The following LRRC49 variants were observed in gnomAD, a reference collection of about 807,000 sequenced individuals.
LRRC49 encodes leucine rich repeat containing 49.
Under a neutral mutation model 83.3 loss-of-function variants are expected in LRRC49, and 50 were observed. The observed-to-expected ratio is 0.60, with a 90% confidence interval of 0.48 to 0.76. LRRC49 has a LOEUF of 0.76. LRRC49 is among the 30% of genes least tolerant of loss of function. LRRC49 has a pLI of 0.00. For missense variants in LRRC49, 704 were observed against 809.1 expected (o/e 0.87, Z 1.58); for synonymous variants, 286 against 283.3 (o/e 1.01, Z -0.10).
At position 71,049,721 on chromosome 15, in the gene LRRC49, G is replaced by GACTAGTATAA; in HGVS notation, c.*111_*120dup. The GACTAGTATAA allele has an allele frequency of 1.4e-6, 1 of 694,690 alleles. No homozygotes were observed. The highest frequency in any genetic ancestry group is 2.7e-5 in the East Asian group (1 of 37,450). The allele number at this position is 694,690 out of a possible 1,614,324, so 43.0% of individuals were successfully genotyped here. A position where few individuals can be genotyped will look rare whatever the true frequency, so the allele number is the denominator to read the frequency against. Reference sequence around the variant, plus strand: ...ACAACACTATCCTATAAACTAGAAAGACTAGTATAAAAGCATTATTGCCCA... The same window carrying GACTAGTATAA: ...ACAACACTATCCTATAAACTAGAAAGACTAGTATAAACTAGTATAAAAGCATTATTGCCCA... On this transcript the variant is annotated 3_prime_UTR_variant, in exon 16 of 16. Coordinates refer to ENST00000260382, the MANE Select transcript of LRRC49 (RefSeq NM_017691.5).
intron 1 of LRRC49, among the ~76,000 whole-genome samples, chr15:70,867,958 G>A (rs1471643334): frequency 2.0e-5 from 3 of 152,230 alleles, no homozygotes; most frequent in Non-Finnish European, 1.5e-5. Flanking sequence ...TTGACACATC[G>A]CAGATGCTCC....
chr15:70,954,473 GTGTGATCATC>G (rs1409964003), intron 8 of LRRC49, among the ~76,000 whole-genome samples: 1 of 152,202 alleles, frequency 6.6e-6, no homozygotes, highest in Non-Finnish European at 1.5e-5. Context: ...TGGGGAGCTA[GTGTGATCATC>G]TGGAGGTAAG....
chr15:70,896,753 C>T (rs2033856577), intron 3 of LRRC49, among the ~76,000 whole-genome samples: 1 of 152,074 alleles, frequency 6.6e-6, no homozygotes. Flanking sequence ...CTAGGTTGTT[C>T]ATGTTATTAC....
intron 6 of LRRC49, among the ~76,000 whole-genome samples, chr15:70,915,090 C>G (rs182542865): frequency 6.6e-6 from 1 of 152,268 alleles, no homozygotes; most frequent in African/African-American, 2.4e-5. Context: ...CTTTATACAA[C>G]CCTTTGCCTG....
At chr15:70,943,628 T>C (rs1205512008) in intron 8 of LRRC49, among the ~76,000 whole-genome samples, 1 of 152,200 alleles carries the variant, frequency 6.6e-6, no homozygotes, top group African/African-American at 2.4e-5. Context: ...ACATGCTCAC[T>C]TGAGGCATTC....
chr15:70,882,405 G>T, intron 2 of LRRC49: 1 of 1,377,922 alleles, frequency 7.3e-7, no homozygotes, highest in Non-Finnish European at 1.0e-6. Context: ...AATTATGTGA[G>T]TAAAGATTTG....
intron 4 of LRRC49, among the ~76,000 whole-genome samples, chr15:70,903,522 C>G (rs1251280935): frequency 6.6e-6 from 1 of 150,868 alleles, no homozygotes; most frequent in Non-Finnish European, 1.5e-5. Context: ...ATTTTTTTTT[C>G]TGCGAATCAT....
chr15:70,861,833 A>C (rs755288429), intron 1 of LRRC49, among the ~76,000 whole-genome samples: 1 of 151,536 alleles, frequency 6.6e-6, no homozygotes, highest in African/African-American at 2.4e-5. Context: ...GCCGAGGCAG[A>C]AGAATTGCTT....
chr15:70,865,716 G>T (rs1052854444), intron 1 of LRRC49, among the ~76,000 whole-genome samples: 2 of 152,148 alleles, frequency 1.3e-5, no homozygotes, highest in African/African-American at 2.4e-5. Context: ...TTTCCCTGAG[G>T]CAAGAAGTAT....
chr15:70,892,892 A>T lies in LRRC49; in HGVS notation c.-3A>T. On this transcript the variant is annotated 5_prime_UTR_variant, in exon 1 of 16. Coordinates refer to ENST00000260382, the MANE Select transcript of LRRC49 (RefSeq NM_017691.5). The stretch of plus-strand genomic sequence containing the variant: ...TAACAGAGAACCTGGACTGTCTCCT[A>T]TCATGATTCCCGGGAAATATCGCTC... 6 of 1,614,216 alleles carry T rather than the reference A, an allele frequency of 3.7e-6. No homozygotes were observed. In the East Asian group the frequency reaches 1.3e-4, roughly 36 times the overall value.
chr15:70,957,775 T>C (rs1293319957), intron 8 of LRRC49, among the ~76,000 whole-genome samples: 1 of 152,244 alleles, frequency 6.6e-6, no homozygotes, highest in East Asian at 1.9e-4. Flanking sequence ...CCTATGGTAG[T>C]TGGAGGAAAA....
intron 8 of LRRC49, among the ~76,000 whole-genome samples, chr15:70,959,535 AG>A (rs2036524187): frequency 8.4e-6 from 1 of 119,434 alleles, no homozygotes; most frequent in Admixed American, 9.4e-5. Context: ...GGAGGAAAGG[AG>A]GGAAGGAAGG....
At chr15:70,943,176 AG>A (rs1244103451) in intron 8 of LRRC49, among the ~76,000 whole-genome samples, 12 of 151,566 alleles carry the variant, frequency 7.9e-5, no homozygotes, top group Admixed American at 3.3e-4. Flanking sequence ...TTTTTAGTTT[AG>A]TTTTTTTTTT....
chr15:70,987,747 T>C (rs1326619134), intron 11 of LRRC49, among the ~76,000 whole-genome samples: 1 of 152,208 alleles, frequency 6.6e-6, no homozygotes, highest in Non-Finnish European at 1.5e-5. Context: ...ATTTTGGATC[T>C]TTCCTGCTTT....
At chr15:70,888,267 T>G (rs2033462881), upstream of LRRC49, among the ~76,000 whole-genome samples, 1 of 152,126 alleles carries the variant, frequency 6.6e-6, no homozygotes, top group South Asian at 2.1e-4. Flanking sequence ...ATTAATCAAT[T>G]GAATATTCTT....
chr15:70,877,893 G>A (rs562017240), intron 2 of LRRC49, among the ~76,000 whole-genome samples: 3 of 152,334 alleles, frequency 2.0e-5, no homozygotes, highest in African/African-American at 7.2e-5. Context: ...ACTTTGGGAG[G>A]CTGAGGCAGG....
intron 15 of LRRC49, among the ~76,000 whole-genome samples, chr15:71,039,398 G>C (rs2141301687): frequency 6.6e-6 from 1 of 152,230 alleles, no homozygotes; most frequent in East Asian, 1.9e-4. Flanking sequence ...TTCTATGAGT[G>C]AAAAAATTAA....
chr15:70,869,825 G>A (rs562829067), intron 1 of LRRC49, among the ~76,000 whole-genome samples: 27 of 152,148 alleles, frequency 1.8e-4, no homozygotes, highest in Middle Eastern at 3.4e-3. Flanking sequence ...TTGCAATTGC[G>A]TCCTAAATTA....
chr15:70,960,596 A>G (rs1461056031), intron 8 of LRRC49, among the ~76,000 whole-genome samples: 1 of 152,216 alleles, frequency 6.6e-6, no homozygotes, highest in East Asian at 1.9e-4. Context: ...ACATGTATCA[A>G]TGGAACCAAA....
Sources: allele counts gnomAD v4.1 joint callset (sites outside exome capture counted in the v4.1 genomes callset), GRCh38; gene constraint gnomAD v4.1.1; transcripts MANE v1.5; gene names NCBI Gene and HGNC (gene_info 2026-07-23, HGNC 2026-07-21).